The following GABRB1 variants were observed in gnomAD, a reference collection of about 807,000 sequenced individuals.
The protein encoded by GABRB1 is gamma-aminobutyric acid receptor subunit beta-1.
GABRB1 carries 17 observed loss-of-function variants against 51.6 expected under a neutral mutation model. The ratio of observed to expected loss-of-function variants is 0.33; its 90% CI spans 0.23 to 0.49. The LOEUF (loss-of-function observed/expected upper bound fraction) is 0.49, where lower values mean the gene tolerates loss of function less well. Ranked by LOEUF, GABRB1 falls within the 20% of genes least tolerant of loss-of-function variation. The pLI is 0.99. For synonymous variants in GABRB1, 247 were observed against 218.9 expected, an observed-to-expected ratio of 1.13 and a Z score of -1.14; for missense variants, 410 against 600.6, an observed-to-expected ratio of 0.68 and a Z score of 3.32.
chr4:47,177,816 GTTTT>G (rs5858057), intron 4 of GABRB1, among the ~76,000 whole-genome samples: 5 of 132,378 alleles, frequency 3.8e-5, no homozygotes, highest in Middle Eastern at 3.7e-3. Context: ...AAGAACAGTG[GTTTT>G]TTTTTTTTTT....
At chr4:47,019,889 T>A (rs999126594) in intron 1 of GABRB1, among the ~76,000 whole-genome samples, 9 of 31,052 alleles carry the variant, frequency 2.9e-4, no homozygotes, top group African/African-American at 9.6e-4. Context: ...ATATATATAA[T>A]ATATGTATAT....
intron 4 of GABRB1, among the ~76,000 whole-genome samples, chr4:47,270,096 TTAGAC>T: frequency 6.6e-6 from 1 of 152,314 alleles, no homozygotes; most frequent in East Asian, 1.9e-4. Flanking sequence ...CTTTGGATTC[TTAGAC>T]TATTTCTATC....
chr4:47,254,732 C>G (rs184492646), intron 4 of GABRB1, among the ~76,000 whole-genome samples: 1 of 152,050 alleles, frequency 6.6e-6, no homozygotes, highest in Non-Finnish European at 1.5e-5. Context: ...ATTACTTTAC[C>G]AATAGCTATA....
chr4:47,253,904 T>C (rs1327477108), intron 4 of GABRB1, among the ~76,000 whole-genome samples: 1 of 152,230 alleles, frequency 6.6e-6, no homozygotes, highest in Non-Finnish European at 1.5e-5. Flanking sequence ...TTGTATACTT[T>C]ATTGAATGTG....
chr4:47,240,869 C>CCATTCTCT, intron 4 of GABRB1, among the ~76,000 whole-genome samples: 1 of 152,078 alleles, frequency 6.6e-6, no homozygotes, highest in Non-Finnish European at 1.5e-5. Flanking sequence ...TTTTCTCATC[C>CCATTCTCT]CATTCTCTTT....
chr4:47,229,197 A>G (rs976943771), intron 4 of GABRB1, among the ~76,000 whole-genome samples: 10 of 152,138 alleles, frequency 6.6e-5, no homozygotes, highest in Non-Finnish European at 1.5e-4. Flanking sequence ...TGACTGATTG[A>G]AACCTTGCAT....
upstream of GABRB1, among the ~76,000 whole-genome samples, chr4:47,029,285 G>A (rs2109461680): frequency 6.6e-6 from 1 of 151,986 alleles, no homozygotes; most frequent in Non-Finnish European, 1.5e-5. Context: ...CAATTTATAT[G>A]TCTACTGAAA....
Position 47,350,202 on chromosome 4 carries a change from TATATATATATATATATAGAG to T in GABRB1, c.544+29995_544+30014del, listed in dbSNP as rs1308313162. Among the ~76,000 whole-genome samples the T allele has an allele frequency of 9.7e-3, 900 of 92,472 alleles. 12 individuals are homozygous for T. Among genetic ancestry groups the T allele is most frequent in the African/African-American group, 0.038 (874 of 22,812 alleles). 60.7% of individuals were successfully genotyped at this position (92,472 alleles called of 152,430 possible). On this transcript the variant is annotated intron_variant, in intron 5 of 8. Transcript: ENST00000295454. ...CTCAGATTATATATATATATATATA[TATATATATATATATATAGAG>T]AGAGAGAGAGAGAGAGAGAGAGGTT...
chr4:47,420,107 G>A (rs146029021), intron 8 of GABRB1, among the ~76,000 whole-genome samples: 6 of 152,186 alleles, frequency 3.9e-5, no homozygotes, highest in African/African-American at 1.2e-4. Flanking sequence ...TTACCTCCCC[G>A]GTCACTGGAA....
chr4:47,046,413 C>T (rs1292289455), intron 3 of GABRB1, among the ~76,000 whole-genome samples: 4 of 151,998 alleles, frequency 2.6e-5, no homozygotes. Context: ...AGCAAAGGTA[C>T]TTGGTAGGAA....
intron 3 of GABRB1, among the ~76,000 whole-genome samples, chr4:47,113,680 A>G (rs1465900144): frequency 6.6e-6 from 1 of 152,200 alleles, no homozygotes; most frequent in Non-Finnish European, 1.5e-5. Context: ...TCAGATCCTT[A>G]ATTAGTATCA....
intron 3 of GABRB1, among the ~76,000 whole-genome samples, chr4:47,090,088 G>A (rs369803920): frequency 1.8e-4 from 28 of 152,176 alleles, no homozygotes; most frequent in African/African-American, 5.1e-4. Context: ...CTTATCAGAC[G>A]TTTTTGTTGA....
chr4:47,404,562 T>C (rs1728507143), intron 7 of GABRB1, among the ~76,000 whole-genome samples: 1 of 151,838 alleles, frequency 6.6e-6, no homozygotes, highest in Non-Finnish European at 1.5e-5. Context: ...ATTTCATCTC[T>C]TCACTTCGGA....
At chr4:47,287,897 C>T (rs1723570300) in intron 4 of GABRB1, among the ~76,000 whole-genome samples, 1 of 152,114 alleles carries the variant, frequency 6.6e-6, no homozygotes, top group African/African-American at 2.4e-5. Context: ...GGAACTTAAC[C>T]CTACCAACAA....
At chr4:47,152,902 A>T (rs1560560630) in intron 3 of GABRB1, among the ~76,000 whole-genome samples, 1 of 151,964 alleles carries the variant, frequency 6.6e-6, no homozygotes, top group Non-Finnish European at 1.5e-5. Context: ...ACTCTGATTT[A>T]TCTATTCTCT....
At chr4:47,171,388 G>A (rs560584496) in intron 4 of GABRB1, among the ~76,000 whole-genome samples, 2 of 152,132 alleles carry the variant, frequency 1.3e-5, no homozygotes, top group Admixed American at 6.5e-5. Flanking sequence ...TATATTATTA[G>A]AAATGACACC....
intron 3 of GABRB1, among the ~76,000 whole-genome samples, chr4:47,064,403 G>C (rs561398620): frequency 7.0e-4 from 107 of 152,250 alleles, no homozygotes; most frequent in African/African-American, 2.5e-3. Context: ...GGGATGCTGA[G>C]GCCGATGGAT....
chr4:47,040,768 G>A (rs929011553), intron 3 of GABRB1, among the ~76,000 whole-genome samples: 5 of 152,240 alleles, frequency 3.3e-5, no homozygotes, highest in Middle Eastern at 3.4e-3. Context: ...AGTGAAATGC[G>A]TTGGTTAGAG....
intron 5 of GABRB1, among the ~76,000 whole-genome samples, chr4:47,401,456 G>A (rs1728381518): frequency 1.3e-5 from 2 of 152,090 alleles, no homozygotes; most frequent in African/African-American, 4.8e-5. Context: ...AGGCCCAACA[G>A]CCCCTTCACC....
Sources: allele counts gnomAD v4.1 joint callset (sites outside exome capture counted in the v4.1 genomes callset), GRCh38; gene constraint gnomAD v4.1.1; transcripts MANE v1.5; gene names NCBI Gene and HGNC (gene_info 2026-07-23, HGNC 2026-07-21).